AFF3: variants seen among roughly 807,000 people sequenced by gnomAD.
AFF3 encodes AF4/FMR2 family member 3.
Under a neutral mutation model 129.7 loss-of-function variants are expected in AFF3, and 32 were observed. The observed-to-expected ratio is 0.25, with a 90% confidence interval of 0.19 to 0.33. The LOEUF (loss-of-function observed/expected upper bound fraction) is 0.33, where lower values mean the gene tolerates loss of function less well. Ranked by LOEUF, AFF3 falls within the 10% of genes least tolerant of loss-of-function variation. The probability of loss-of-function intolerance (pLI) is 1.00; values close to 1 mark genes in which losing one functional copy is unlikely to be tolerated. For synonymous variants in AFF3, 644 were observed against 635.4 expected (o/e 1.01, Z -0.20); for missense variants, 1,373 against 1,592.0 (o/e 0.86, Z 2.34).
intron 7 of AFF3, among the ~76,000 whole-genome samples, chr2:99,911,336 C>T (rs1353466902): frequency 2.0e-5 from 3 of 150,518 alleles, no homozygotes; most frequent in Admixed American, 6.6e-5. Flanking sequence ...TGCAGTGGGC[C>T]GAGATCGTGC....
At chr2:99,740,795 C>A (rs952145326) in intron 10 of AFF3, among the ~76,000 whole-genome samples, 5 of 151,784 alleles carry the variant, frequency 3.3e-5, no homozygotes, top group African/African-American at 4.8e-5. Context: ...GTTTCTTTTG[C>A]TGTGCAGAAG....
intron 8 of AFF3, among the ~76,000 whole-genome samples, chr2:99,799,600 T>C (rs1329960719): frequency 6.6e-6 from 1 of 152,086 alleles, no homozygotes; most frequent in Non-Finnish European, 1.5e-5. Context: ...AGGCTTTTTA[T>C]TTGTGTGGAA....
In AFF3 at chr2:99,964,814, G is replaced by A. The variant is rs902275941; in HGVS notation, c.873+41818C>T. Among the ~76,000 whole-genome samples the A allele has an allele frequency of 7.2e-5, 11 of 152,294 alleles. No individual in the cohort carries two copies. In the South Asian group the frequency reaches 2.3e-3, roughly 32 times the overall value. ...ATCTTTGTGGTCATGAAACTCTTCTGTATCCTGACTGTGTTAATGTCAATA... is the reference window on the plus strand; with the variant it reads ...ATCTTTGTGGTCATGAAACTCTTCTATATCCTGACTGTGTTAATGTCAATA... On this transcript the variant is annotated intron_variant, in intron 7 of 24. Transcript: ENST00000672756.
intron 7 of AFF3, among the ~76,000 whole-genome samples, chr2:99,852,280 T>C (rs556152320): frequency 5.3e-4 from 81 of 152,154 alleles, no homozygotes; most frequent in African/African-American, 2.0e-3. Flanking sequence ...CTAATCCCAC[T>C]GTGCCCCCAA....
intron 4 of AFF3, among the ~76,000 whole-genome samples, chr2:100,078,845 A>G (rs1395228859): frequency 6.6e-6 from 1 of 152,114 alleles, no homozygotes; most frequent in Non-Finnish European, 1.5e-5. Flanking sequence ...TAGATTACTT[A>G]TAATACTTAA....
At chr2:99,907,766 T>C (rs1694818870) in intron 7 of AFF3, among the ~76,000 whole-genome samples, 1 of 152,064 alleles carries the variant, frequency 6.6e-6, no homozygotes. Flanking sequence ...AGTCTCTCGA[T>C]TGCAGGTGTG....
rs1474059251 is a variant in AFF3 at position 99,595,704 on chromosome 2, G to T, written c.1372-1415C>A. ...TCTTGGCCTCACCCCAGGCACTGAG[G>T]ATTTCAGAAGGGGAATAAGAGGGCT... is the stretch of plus-strand genomic sequence containing the variant. On this transcript the variant is annotated intron_variant, in intron 14 of 24. Transcript: ENST00000672756. 2.0e-5 allele frequency among the ~76,000 whole-genome samples: 3 copies of T among 152,220 alleles called. No individual in the cohort carries two copies. The East Asian group carries it at 5.8e-4, about 29-fold the overall frequency.
chr2:100,038,895 TG>T (rs1218059624), intron 4 of AFF3, among the ~76,000 whole-genome samples: 9 of 152,016 alleles, frequency 5.9e-5, no homozygotes, highest in Non-Finnish European at 1.3e-4. Flanking sequence ...GCTAATTTTT[TG>T]TATTTTTAGT....
intron 12 of AFF3, among the ~76,000 whole-genome samples, chr2:99,665,202 C>G (rs1192119128): frequency 6.6e-6 from 1 of 152,210 alleles, no homozygotes; most frequent in Non-Finnish European, 1.5e-5. Context: ...GATGGGAAAC[C>G]TATTTAAGAT....
chr2:99,723,053 C>G (rs1021428469), intron 11 of AFF3, among the ~76,000 whole-genome samples: 1 of 152,128 alleles, frequency 6.6e-6, no homozygotes, highest in African/African-American at 2.4e-5. Flanking sequence ...AGTATTTTGT[C>G]CAGAGTTTGT....
chr2:99,832,188 C>T (rs1315360799), intron 8 of AFF3, among the ~76,000 whole-genome samples: 1 of 152,314 alleles, frequency 6.6e-6, no homozygotes, highest in East Asian at 1.9e-4. Flanking sequence ...ATCTCACAGA[C>T]TTTTAGATGC....
At chr2:100,112,629 G>A (rs2309776) in intron 2 of AFF3, 14,935 of 152,470 alleles carry the variant, frequency 0.098, 1,049 homozygotes, top group Non-Finnish European at 0.14. Context: ...AGTCAAGGCT[G>A]CAGTGAGCTG....
intron 12 of AFF3, among the ~76,000 whole-genome samples, chr2:99,668,232 C>T (rs1686849938): frequency 6.6e-6 from 1 of 151,982 alleles, no homozygotes; most frequent in African/African-American, 2.4e-5. Context: ...AGTGCAGTGG[C>T]TTGATCATAG....
At chr2:99,929,594 C>T (rs1012336999) in intron 7 of AFF3, among the ~76,000 whole-genome samples, 3 of 152,138 alleles carry the variant, frequency 2.0e-5, no homozygotes, top group Non-Finnish European at 4.4e-5. Context: ...GAATAAACAA[C>T]CTTATTCAAC....
At chr2:100,127,034 G>T (rs920162268) in intron 2 of AFF3, among the ~76,000 whole-genome samples, 1 of 152,156 alleles carries the variant, frequency 6.6e-6, no homozygotes. Flanking sequence ...GCAGTTGCGG[G>T]TGGTGGCACC....
intron 7 of AFF3, among the ~76,000 whole-genome samples, chr2:99,892,272 ATT>A (rs1693627135): frequency 6.6e-6 from 1 of 152,252 alleles, no homozygotes; most frequent in South Asian, 2.1e-4. Context: ...ATTTTTATTC[ATT>A]GTTACATTTA....
chr2:99,729,719 A>AT lies in AFF3; in HGVS notation c.1040-2592dup, dbSNP rs76675302. On this transcript the variant is annotated intron_variant, in intron 10 of 24. Coordinates refer to ENST00000672756, the MANE Select transcript of AFF3 (RefSeq NM_001386135.1). ...GGAACATTCTAGAACATTAGTACAA[A>AT]TTTTTTTTTTTTTAGTTGGGTGTGC... 7.4e-4 allele frequency among the ~76,000 whole-genome samples: 109 copies of AT among 146,572 alleles called. 1 individual carries two copies. Among genetic ancestry groups the AT allele is most frequent in the East Asian group, 1.4e-3 (7 of 5,032 alleles).
chr2:99,630,824 C>T (rs543487024), intron 13 of AFF3: 1 of 237,200 alleles, frequency 4.2e-6, no homozygotes, highest in South Asian at 4.5e-5. Flanking sequence ...CCCACCAGGT[C>T]CCTCTCTTGA....
chr2:100,111,107 A>C (rs1324524683), intron 2 of AFF3, among the ~76,000 whole-genome samples: 2 of 152,172 alleles, frequency 1.3e-5, no homozygotes, highest in African/African-American at 4.8e-5. Context: ...TGACTGCTTC[A>C]TATAACCCTA....
Sources: gnomAD v4.1 joint callset for allele counts (sites outside exome capture counted in the v4.1 genomes callset) on GRCh38, gnomAD v4.1.1 for gene constraint, MANE v1.5 for transcripts, NCBI Gene and HGNC (gene_info 2026-07-23, HGNC 2026-07-21) for gene names.